The following MAST2 variants were observed in gnomAD, a reference collection of about 807,000 sequenced individuals.
MAST2 encodes microtubule-associated serine/threonine-protein kinase 2.
Under a neutral mutation model 147.4 loss-of-function variants are expected in MAST2, and 70 were observed. That is an observed-to-expected ratio of 0.47 (90% CI 0.39 to 0.58). The LOEUF (loss-of-function observed/expected upper bound fraction) is 0.58, where lower values mean the gene tolerates loss of function less well. Among genes scored for constraint, MAST2 ranks in the 20% least tolerant of loss-of-function variants. MAST2 has a pLI of 0.00. For synonymous variants in MAST2, 869 were observed against 896.8 expected (o/e 0.97, Z 0.55); for missense variants, 2,080 against 2,302.3 (o/e 0.90, Z 1.98).
Position 46,028,901 on chromosome 1 carries a change from C to A in MAST2, c.2186C>A (p.Thr729Asn), listed in dbSNP as rs1484777233. 6.2e-7 allele frequency: 1 copy of A among 1,607,748 alleles called. No homozygotes were observed. The highest frequency in any genetic ancestry group is 1.1e-5 in the South Asian group (1 of 89,900). Residue 729 changes from threonine to asparagine, a missense_variant, in exon 18 of 29, where the codon ACT (threonine) becomes AAT (asparagine). By Grantham distance (65) the Thr-to-Asn change is moderately conservative (BLOSUM62 0). Around this residue, in one of 4 missense-constraint regions of MAST2, gnomAD observed 209 missense variants for 309.5 expected, o/e 0.68. Transcript: ENST00000361297. Reference protein sequence around the residue: ...LVGCVPFFGDTPEELFGQVIS... With the variant: ...LVGCVPFFGDNPEELFGQVIS... The stretch of plus-strand genomic sequence containing the variant: ...GGCTGCGTCCCTTTTTTTGGAGATA[C>A]TCCGGAGGAGCTCTTTGGGCAGGTG...
chr1:45,919,143 A>C (rs1275973694), intron 4 of MAST2, among the ~76,000 whole-genome samples: 1 of 151,662 alleles, frequency 6.6e-6, no homozygotes, highest in Non-Finnish European at 1.5e-5. Flanking sequence ...AAAAAAACAC[A>C]CTCTGGTTAT....
intron 5 of MAST2, among the ~76,000 whole-genome samples, chr1:45,959,832 C>T (rs990769385): frequency 1.3e-5 from 2 of 152,070 alleles, no homozygotes; most frequent in African/African-American, 4.8e-5. Context: ...ACTACCGTGC[C>T]CAAGGATTAG....
At chr1:45,970,239 G>C (rs1570990720) in intron 5 of MAST2, among the ~76,000 whole-genome samples, 1 of 152,024 alleles carries the variant, frequency 6.6e-6, no homozygotes, top group Non-Finnish European at 1.5e-5. Context: ...AAATTTGGGA[G>C]CCCCCCCATG....
rs773936236 is a variant in MAST2 at position 46,031,607 on chromosome 1, G to A, written c.3187+22G>A. The A allele has an allele frequency of 1.3e-6, 2 of 1,599,378 alleles. No individual in the cohort carries two copies. The highest frequency in any genetic ancestry group is 1.7e-6 in the Non-Finnish European group (2 of 1,169,406). ...TCGGGTGAGGCCCCTGGGGAGCTGG[G>A]ATAAAACTCACAGGAAGGGCCTTGT... On this transcript the variant is annotated intron_variant, in intron 24 of 28. Coordinates refer to ENST00000361297, the MANE Select transcript of MAST2 (RefSeq NM_015112.3). This position sits in a 1 kb window ranked among gnomAD's most constrained non-coding sequence, Gnocchi z 4.1.
chr1:45,955,706 C>T (rs1659557524), intron 4 of MAST2, among the ~76,000 whole-genome samples: 1 of 152,094 alleles, frequency 6.6e-6, no homozygotes, highest in South Asian at 2.1e-4. Flanking sequence ...ATGGGTGGCT[C>T]GCTTGGCATT....
Position 46,006,264 on chromosome 1 carries a change from G to C in MAST2, c.771G>C (p.Lys257Asn). The change falls in exon 8 of 29, where the codon AAG becomes AAC. Residue 257 changes from lysine (K) to asparagine (N), a missense_variant. By Grantham distance (94) the Lys-to-Asn change is moderately conservative. Transcript: ENST00000361297. The part of the protein sequence containing the change: ...TVSSSCSSQE[K>N]LHQLPFQPTA... ...AGTCATCATGCTCCTCACAGGAAAA[G>C]CTGCATCAGTTGCCTTTCCAGCCTA... 1 of 1,613,318 alleles carries C rather than the reference G, an allele frequency of 6.2e-7. No individual in the cohort carries two copies. Among genetic ancestry groups the C allele is most frequent in the South Asian group, 1.1e-5 (1 of 90,844 alleles).
At chr1:45,824,857 T>G (rs1393890324) in intron 2 of MAST2, among the ~76,000 whole-genome samples, 1 of 152,250 alleles carries the variant, frequency 6.6e-6, no homozygotes, top group Non-Finnish European at 1.5e-5. Flanking sequence ...AAACTTTATA[T>G]TCTTTGCTTC....
chr1:45,852,051 A>G (rs944690933), intron 3 of MAST2, among the ~76,000 whole-genome samples: 1 of 152,184 alleles, frequency 6.6e-6, no homozygotes, highest in Non-Finnish European at 1.5e-5. Context: ...GCTTTCACCA[A>G]TAGTGTCATC....
chr1:45,809,249 T>A (rs982919445), intron 1 of MAST2, among the ~76,000 whole-genome samples: 1 of 152,252 alleles, frequency 6.6e-6, no homozygotes, highest in African/African-American at 2.4e-5. Flanking sequence ...TTAGGCACTT[T>A]GATATACTTT....
intron 3 of MAST2, among the ~76,000 whole-genome samples, chr1:45,853,542 C>T (rs180825787): frequency 1.3e-4 from 19 of 151,906 alleles, no homozygotes; most frequent in African/African-American, 4.6e-4. Context: ...TTAGTAGAGA[C>T]AGGTTTTTAC....
chr1:45,861,145 T>C (rs901850611), intron 3 of MAST2, among the ~76,000 whole-genome samples: 1 of 152,218 alleles, frequency 6.6e-6, no homozygotes, highest in Admixed American at 6.5e-5. Flanking sequence ...TCGTCTTTAC[T>C]TTCCTCCTCT....
chr1:45,899,817 C>A (rs7548617), intron 4 of MAST2, among the ~76,000 whole-genome samples: 120,605 of 151,482 alleles, frequency 0.8, 48,470 homozygotes, highest in East Asian at 0.98. Flanking sequence ...GCTATGTCAT[C>A]AGGCCCAAGG....
At chr1:45,933,281 C>T (rs1655650182) in intron 4 of MAST2, among the ~76,000 whole-genome samples, 1 of 151,138 alleles carries the variant, frequency 6.6e-6, no homozygotes, top group South Asian at 2.1e-4. Flanking sequence ...GACATGGTTG[C>T]CCATACTTAG....
At chr1:45,914,039 C>T (rs565216572) in intron 4 of MAST2, among the ~76,000 whole-genome samples, 13 of 152,238 alleles carry the variant, frequency 8.5e-5, no homozygotes, top group African/African-American at 3.1e-4. Context: ...AACAGTGGTC[C>T]TTGGCAGGGG....
chr1:45,983,341 T>G (rs1010798331), intron 5 of MAST2, among the ~76,000 whole-genome samples: 1 of 152,234 alleles, frequency 6.6e-6, no homozygotes, highest in African/African-American at 2.4e-5. Flanking sequence ...AGTCTTTGAC[T>G]TAGAAGGTGT....
At chr1:45,851,065 G>A (rs1463197643) in intron 3 of MAST2, among the ~76,000 whole-genome samples, 1 of 151,910 alleles carries the variant, frequency 6.6e-6, no homozygotes, top group East Asian at 1.9e-4. Flanking sequence ...CAGTATGGCT[G>A]TTTCAACAGT....
intron 11 of MAST2, 75 bp from the exon 12 acceptor site, chr1:46,021,875 A>G (rs1284653434): frequency 1.0e-5 from 15 of 1,441,250 alleles, no homozygotes; most frequent in Admixed American, 5.2e-5. Flanking sequence ...AGTCTACTAT[A>G]TGCTGTAAAA....
intron 4 of MAST2, among the ~76,000 whole-genome samples, chr1:45,918,418 G>A (rs1397047197): frequency 2.0e-5 from 3 of 152,168 alleles, no homozygotes; most frequent in Admixed American, 6.5e-5. Flanking sequence ...GGCCTGAAGT[G>A]TAGTGGGCAG....
At chr1:45,940,520 A>G (rs1657082707) in intron 4 of MAST2, among the ~76,000 whole-genome samples, 1 of 152,208 alleles carries the variant, frequency 6.6e-6, no homozygotes, top group South Asian at 2.1e-4. Context: ...ATAAATCTCT[A>G]AACAAAATGT....
Sources: gnomAD v4.1 joint callset for allele counts (sites outside exome capture counted in the v4.1 genomes callset) on GRCh38, gnomAD v4.1.1 for gene constraint, gnomAD v4.1.1 regional missense constraint, Gnocchi (gnomAD v3.1) non-coding constraint, MANE v1.5 for transcripts, NCBI Gene and HGNC (gene_info 2026-07-23, HGNC 2026-07-21) for gene names.